PLA2G4B: variants seen among roughly 807,000 people sequenced by gnomAD.
PLA2G4B encodes cytosolic phospholipase A2 beta.
In PLA2G4B, 122 loss-of-function variants were observed where a neutral mutation model predicts 95.8. That is an observed-to-expected ratio of 1.27 (90% CI 1.10 to 1.48). The LOEUF is 1.48. Among genes scored for constraint, PLA2G4B ranks in the 40% most tolerant of loss-of-function variants. The probability of loss-of-function intolerance (pLI) is 0.00; values close to 1 mark genes in which losing one functional copy is unlikely to be tolerated. For missense variants in PLA2G4B, 1,158 were observed against 996.2 expected (o/e 1.16, Z -2.19); for synonymous variants, 518 against 421.5 (o/e 1.23, Z -2.80).
Position 41,846,063 on chromosome 15 carries a change from C to A in PLA2G4B, c.1600+16C>A. 1 of 1,568,542 alleles carries A rather than the reference C, an allele frequency of 6.4e-7. No individual in the cohort carries two copies. The highest frequency in any genetic ancestry group is 8.7e-7 in the Non-Finnish European group (1 of 1,155,542). ...GCCAACCTGGGTAAGTGCTCCGGGC[C>A]CTTCATAAGGGTGCCAAGGGGCAGC... On this transcript the variant is annotated intron_variant, in intron 16 of 19. Transcript: ENST00000458483.
Position 41,843,842 on chromosome 15 carries a change from C to T in PLA2G4B, c.879+31C>T, listed in dbSNP as rs200783084. On this transcript the variant is annotated intron_variant, in intron 11 of 19. Transcript: ENST00000458483. ...GGGGCTGGGCTGGATGGGGTGTCCCCGGGCTTGCTTGGGCCTAGCTCCTGG... is the reference window on the plus strand; with the variant it reads ...GGGGCTGGGCTGGATGGGGTGTCCCTGGGCTTGCTTGGGCCTAGCTCCTGG... The T allele has an allele frequency of 1.7e-4, 273 of 1,608,912 alleles. 2 individuals are homozygous for T. Among genetic ancestry groups the T allele is most frequent in the Middle Eastern group, 1.5e-3 (9 of 5,902 alleles).
intron 1 of PLA2G4B, chr15:41,839,940 C>T (rs1215218658): frequency 6.9e-6 from 4 of 579,466 alleles, no homozygotes; most frequent in Non-Finnish European, 1.2e-5. Context: ...TATGCAAAGC[C>T]CTTGGCCCAG....
At chr15:41,842,407 G>A in intron 9 of PLA2G4B, 131 bp downstream of exon 9, 1 of 1,544,716 alleles carries the variant, frequency 6.5e-7, no homozygotes, top group Non-Finnish European at 8.7e-7. Flanking sequence ...GCTCTTTGGG[G>A]AGTGTCCTCT....
rs780868428 is a variant in PLA2G4B, at chr15:41,846,660, A to G, written c.1781-9A>G. ...TCTGTGACAATTGCTGCTCTCCCCA[A>G]CCTTCCAGCTACCACTCTGGATGGG... On this transcript the variant is annotated splice_polypyrimidine_tract_variant and intron_variant, in intron 17 of 19. Coordinates refer to ENST00000458483, the MANE Select transcript of PLA2G4B (RefSeq NM_001114633.2). 19 of 1,598,978 alleles carry G rather than the reference A, an allele frequency of 1.2e-5. No homozygotes were observed. In the African/African-American group the frequency reaches 1.5e-4, roughly 12 times the overall value.
In PLA2G4B at chr15:41,839,805, G is replaced by T. The variant is rs184603209; in HGVS notation, c.10-353G>T. The T allele has an allele frequency of 9.9e-5, 25 of 251,564 alleles. 1 individual carries two copies. In the Admixed American group the frequency reaches 1.2e-3, roughly 12 times the overall value. 15.6% of individuals were successfully genotyped at this position (251,564 alleles called of 1,614,324 possible). A position where few individuals can be genotyped will look rare whatever the true frequency, so the allele number is the denominator to read the frequency against. ...GCATAAATCTGGAGCCAGCCTGCCC[G>T]GGCTCCAACCCCAATTGTGGACCTC... On this transcript the variant is annotated intron_variant, in intron 1 of 19. Transcript: ENST00000458483.
chr15:41,841,363 G>T (rs977596552), intron 6 of PLA2G4B, 90 bp downstream of exon 6: 143 of 1,609,664 alleles, frequency 8.9e-5, no homozygotes, highest in Non-Finnish European at 1.1e-4. Flanking sequence ...CGCTGCCTCA[G>T]CCTGGGGACC....
chr15:41,847,882 C>T lies in PLA2G4B; in HGVS notation c.*22C>T. On this transcript the variant is annotated 3_prime_UTR_variant, in exon 20 of 20. Transcript: ENST00000458483. ...CTGATGGCCGGGGCCCCTGCCACCC[C>T]TAACTCTCATTCATTCCCTGGCTGC... is the stretch of plus-strand genomic sequence containing the variant. 6.2e-7 allele frequency: 1 copy of T among 1,606,162 alleles called. No individual in the cohort carries two copies. The highest frequency in any genetic ancestry group is 1.1e-5 in the South Asian group (1 of 90,294).
intron 18 of PLA2G4B, 74 bp downstream of exon 18, chr15:41,846,909 CCA>C: frequency 2.7e-6 from 4 of 1,486,416 alleles, no homozygotes; most frequent in East Asian, 2.3e-5. Flanking sequence ...GCTTTGGAGT[CCA>C]GTGTCTGGTT....
chr15:41,841,970 G>T (rs760264485), intron 8 of PLA2G4B, 21 bp downstream of exon 8: 2 of 1,603,258 alleles, frequency 1.2e-6, no homozygotes, highest in South Asian at 2.2e-5. Flanking sequence ...TCGCTCCCTC[G>T]AGGTGGGGCC....
At position 41,844,529 on chromosome 15, in the gene PLA2G4B, A is replaced by T. The variant is rs773664226; in HGVS notation, c.938A>T (p.Tyr313Phe). 6.2e-7 allele frequency: 1 copy of T among 1,614,022 alleles called. No homozygotes were observed. Among genetic ancestry groups the T allele is most frequent in the South Asian group, 1.1e-5 (1 of 91,080 alleles). Residue 313 changes from tyrosine to phenylalanine, a missense_variant, in exon 12 of 20, where the codon TAT becomes TTT. Physicochemically the swap from Tyr to Phe is conservative, Grantham distance 22 (BLOSUM62 3). Transcript: ENST00000458483. ...GGGIRAMTSL[Y>F]GQLAGLKELG... ...GGGATCCGGGCAATGACTTCCCTGTATGGGCAGCTGGCTGGCCTGAAGGAG... is the reference window on the plus strand; with the variant it reads ...GGGATCCGGGCAATGACTTCCCTGTTTGGGCAGCTGGCTGGCCTGAAGGAG...
chr15:41,845,409 C>T, intron 14 of PLA2G4B, 89 bp downstream of exon 14: 2 of 1,511,792 alleles, frequency 1.3e-6, no homozygotes, highest in Non-Finnish European at 9.0e-7. Flanking sequence ...AGATGTCACA[C>T]CCACCTCTCC....
In PLA2G4B at chr15:41,845,226, TC is replaced by T. The variant is rs2065516115; in HGVS notation, c.1264del (p.Gln422AsnfsTer5). The T allele has an allele frequency of 3.1e-6, 5 of 1,614,106 alleles. No individual in the cohort carries two copies. In the East Asian group the frequency reaches 1.1e-4, roughly 36 times the overall value. On this transcript the variant is annotated frameshift_variant, in exon 14 of 20. Transcript: ENST00000458483. LOFTEE classifies it high-confidence loss of function. ...DEPHDHKLSDQREALSHGQNP... is the reference protein window; with the variant it reads ...DEPHDHKLSDXREALSHGQNP... The stretch of plus-strand genomic sequence containing the variant: ...AGCCCCATGATCACAAGCTCTCAGA[TC>T]AACGGGAGGCCCTGAGTCATGGCCA...
At chr15:41,844,283 G>A (rs1205468289) in intron 11 of PLA2G4B, among the ~76,000 whole-genome samples, 188 bp from the exon 12 acceptor site, 1 of 152,218 alleles carries the variant, frequency 6.6e-6, no homozygotes, top group Non-Finnish European at 1.5e-5. Flanking sequence ...GGAGCCCTTA[G>A]GACTGGAGGA....
At position 41,846,028 on chromosome 15, in the gene PLA2G4B, C is replaced by T. The variant is rs1244132940; in HGVS notation, c.1581C>T (p.Val527=). ...SEPSQFWDRW[V]RNQANLDKEQ... Reference sequence around the variant, plus strand: ...CCAGCCAGTTCTGGGACCGCTGGGTCAGGAACCAGGCCAACCTGGGTAAGT... The same window carrying T: ...CCAGCCAGTTCTGGGACCGCTGGGTTAGGAACCAGGCCAACCTGGGTAAGT... The change falls in exon 16 of 20, where the codon GTC becomes GTT. Residue 527 remains valine, a synonymous_variant. Coordinates refer to ENST00000458483, the MANE Select transcript of PLA2G4B (RefSeq NM_001114633.2). The T allele has an allele frequency of 6.4e-7, 1 of 1,550,602 alleles. No homozygotes were observed. The highest frequency in any genetic ancestry group is 1.2e-5 in the South Asian group (1 of 81,792).
intron 14 of PLA2G4B, 157 bp downstream of exon 14, chr15:41,845,477 T>C: frequency 6.9e-7 from 1 of 1,453,156 alleles, no homozygotes; most frequent in Non-Finnish European, 9.2e-7. Flanking sequence ...CTCAGCCCTT[T>C]GGGAAGGAGG....
At chr15:41,845,379 G>A in intron 14 of PLA2G4B, 59 bp downstream of exon 14, 3 of 1,580,070 alleles carry the variant, frequency 1.9e-6, no homozygotes, top group South Asian at 2.2e-5. Context: ...AGGGGAGAAC[G>A]AGGACTGTGT....
At position 41,842,479 on chromosome 15, in the gene PLA2G4B, G is replaced by A. The variant is rs375095758; in HGVS notation, c.706-75G>A. 1.2e-5 allele frequency: 19 copies of A among 1,587,050 alleles called. 3 individuals carry two copies. The Middle Eastern group carries it at 9.7e-4, about 81-fold the overall frequency. On this transcript the variant is annotated intron_variant, in intron 9 of 19. Transcript: ENST00000458483. The stretch of plus-strand genomic sequence containing the variant: ...GGTGGCGGGGCGGGGGTGGTGCGCC[G>A]GGGATCAGGGTAAGAGGACCAGAGC...
At chr15:41,840,422 C>T (rs1045519972) in intron 2 of PLA2G4B, 102 bp from the exon 3 acceptor site, 35 of 1,600,106 alleles carry the variant, frequency 2.2e-5, no homozygotes, top group Admixed American at 8.4e-5. Flanking sequence ...TCCCCTCCCC[C>T]TCAGTCTTAA....
At position 41,845,581 on chromosome 15, in the gene PLA2G4B, G is replaced by GGGGTGT. The variant is rs2065524435; in HGVS notation, c.1358-51_1358-46dup. The GGGGTGT allele has an allele frequency of 8.7e-6, 14 of 1,605,394 alleles. No individual in the cohort carries two copies. The East Asian group carries it at 3.1e-4, about 36-fold the overall frequency. Reference sequence around the variant, plus strand: ...TAAAGCAAAACCCTGGGTCGGGGTGGGGGTGTGGGTGCCTAAGGGCTCTGC... The same window carrying GGGGTGT: ...TAAAGCAAAACCCTGGGTCGGGGTGGGGGTGTGGGTGTGGGTGCCTAAGGGCTCTGC... On this transcript the variant is annotated intron_variant, in intron 14 of 19. Transcript: ENST00000458483.
Sources: gnomAD v4.1 joint callset for allele counts (sites outside exome capture counted in the v4.1 genomes callset) on GRCh38, gnomAD v4.1.1 for gene constraint, MANE v1.5 for transcripts, NCBI Gene and HGNC (gene_info 2026-07-23, HGNC 2026-07-21) for gene names.